TPTE2: variants seen among roughly 807,000 people sequenced by gnomAD.
TPTE2 encodes transmembrane phosphoinositide 3-phosphatase and tensin homolog 2.
Under a neutral mutation model 78.6 loss-of-function variants are expected in TPTE2, and 53 were observed. The ratio of observed to expected loss-of-function variants is 0.67; its 90% confidence interval spans 0.54 to 0.85. TPTE2 has a LOEUF of 0.85. Among genes scored for constraint, TPTE2 ranks in the 40% least tolerant of loss-of-function variants. The probability of loss-of-function intolerance (pLI) is 0.00; values close to 1 mark genes in which losing one functional copy is unlikely to be tolerated. For missense variants in TPTE2, 461 were observed against 623.0 expected, an observed-to-expected ratio of 0.74 and a Z score of 2.77; for synonymous variants, 175 against 206.2, an observed-to-expected ratio of 0.85 and a Z score of 1.30.
the TPTE2 span, among the ~76,000 whole-genome samples, chr13:19,543,013 A>G: frequency 6.6e-6 from 1 of 151,596 alleles, no homozygotes; most frequent in Non-Finnish European, 1.5e-5. Context: ...CTCGTATCTT[A>G]GGATTATAAA....
At chr13:19,449,848 C>A (rs2137528017) in intron 13 of TPTE2, among the ~76,000 whole-genome samples, 1 of 152,220 alleles carries the variant, frequency 6.6e-6, no homozygotes, top group Non-Finnish European at 1.5e-5. Flanking sequence ...GCTCAACCTT[C>A]CTTAGTTCTT....
chr13:19,498,066 T>C (rs1339405492), intron 1 of TPTE2, among the ~76,000 whole-genome samples: 3 of 150,424 alleles, frequency 2.0e-5, no homozygotes, highest in Non-Finnish European at 4.5e-5. Flanking sequence ...GAAGATGAAA[T>C]GAATGAAATG....
chr13:19,534,956 A>T (rs1871114000), intron 1 of TPTE2, among the ~76,000 whole-genome samples: 1 of 152,132 alleles, frequency 6.6e-6, no homozygotes, highest in African/African-American at 2.4e-5. Flanking sequence ...CAATCTCAGA[A>T]CTTCGGGAGG....
rs572859436 is a variant in TPTE2, at chr13:19,486,532, T to C, written c.120-3985A>G. On this transcript the variant is annotated intron_variant, in intron 3 of 19. Coordinates refer to ENST00000400230, the Ensembl canonical transcript of TPTE2. The surrounding 1 kb of genome is among the most constrained non-coding windows in gnomAD (Gnocchi z 4.3). ...GCCAGATGTGCTTTGCAGGACAGTTTCTCAGGCCCAGGACGCAGGCACACA... is the reference window on the plus strand; with the variant it reads ...GCCAGATGTGCTTTGCAGGACAGTTCCTCAGGCCCAGGACGCAGGCACACA... Among the ~76,000 whole-genome samples, 35 of 152,306 alleles carry C rather than the reference T, an allele frequency of 2.3e-4. No homozygotes were observed. The highest frequency in any genetic ancestry group is 4.9e-4 in the Non-Finnish European group (33 of 68,026).
intron 13 of TPTE2, among the ~76,000 whole-genome samples, chr13:19,442,253 A>G (rs975327515): frequency 3.3e-5 from 5 of 152,080 alleles, no homozygotes; most frequent in African/African-American, 7.2e-5. Context: ...CCACAACAAA[A>G]TGTAATAAAT....
chr13:19,441,339 C>T (rs1178724149), intron 13 of TPTE2, among the ~76,000 whole-genome samples: 6 of 151,784 alleles, frequency 4.0e-5, no homozygotes, highest in African/African-American at 1.5e-4. Flanking sequence ...CTGGGTGATG[C>T]GATCACTCAC....
intron 13 of TPTE2, among the ~76,000 whole-genome samples, chr13:19,441,749 A>G (rs1422294543): frequency 2.6e-5 from 4 of 152,216 alleles, no homozygotes; most frequent in Non-Finnish European, 5.9e-5. Context: ...CTGGAATTAA[A>G]CAAAAATGCC....
At chr13:19,438,013 C>T in intron 14 of TPTE2, 79 bp downstream of exon 17, 1 of 1,565,078 alleles carries the variant, frequency 6.4e-7, no homozygotes. Flanking sequence ...AAATAATCAT[C>T]TTAACGTCCT....
chr13:19,435,755 G>GACACATACACAC (rs1877031939), intron 15 of TPTE2, among the ~76,000 whole-genome samples: 1 of 137,642 alleles, frequency 7.3e-6, no homozygotes, highest in African/African-American at 2.6e-5. Flanking sequence ...ACACAGAAAA[G>GACACATACACAC]ACACACACAC....
upstream of TPTE2, among the ~76,000 whole-genome samples, chr13:19,505,111 T>C (rs1409539166): frequency 6.6e-6 from 1 of 152,092 alleles, no homozygotes; most frequent in Non-Finnish European, 1.5e-5. Flanking sequence ...GGTTGATATT[T>C]AAATATTCAT....
At chr13:19,537,240 T>C (rs1871264246), upstream of TPTE2, among the ~76,000 whole-genome samples, 1 of 151,430 alleles carries the variant, frequency 6.6e-6, no homozygotes, top group South Asian at 2.1e-4. Flanking sequence ...TTGATTTTTT[T>C]TTTTTTTTTT....
upstream of TPTE2, among the ~76,000 whole-genome samples, chr13:19,539,436 C>T (rs1410772117): frequency 6.6e-6 from 1 of 152,188 alleles, no homozygotes; most frequent in East Asian, 1.9e-4. Flanking sequence ...CTCTTGCCTG[C>T]CACTGTGTAA....
intron 1 of TPTE2, among the ~76,000 whole-genome samples, chr13:19,529,722 TG>T (rs1163633354): frequency 1.3e-5 from 2 of 152,202 alleles, no homozygotes; most frequent in African/African-American, 4.8e-5. Context: ...CACCAATCCT[TG>T]GATTACTACA....
Position 19,483,069 on chromosome 13 carries a change from G to A in TPTE2, c.120-522C>T, listed in dbSNP as rs539055048. 3.9e-5 allele frequency among the ~76,000 whole-genome samples: 6 copies of A among 152,258 alleles called. No homozygotes were observed. The South Asian group carries it at 1.0e-3, about 26-fold the overall frequency. ...TACTTTAATTAAAAACTACTTTATT[G>A]GTTAAAAAATGCTAATGATCACCTA... On this transcript the variant is annotated intron_variant, in intron 3 of 19. Transcript: ENST00000400230.
chr13:19,463,188 A>G (rs1295041125), intron 10 of TPTE2, among the ~76,000 whole-genome samples: 1 of 150,404 alleles, frequency 6.6e-6, no homozygotes, highest in Admixed American at 6.6e-5. Context: ...TGCCATGTTC[A>G]TCAGGCTTGT....
chr13:19,445,942 A>C (rs1566043304), intron 13 of TPTE2, among the ~76,000 whole-genome samples: 1 of 149,010 alleles, frequency 6.7e-6, no homozygotes, highest in Non-Finnish European at 1.5e-5. Flanking sequence ...CCTTATCTCA[A>C]AACAAAAAAC....
upstream of TPTE2, chr13:19,505,738 CCCTGTTA>C (rs1868969774): frequency 6.6e-6 from 1 of 152,054 alleles, no homozygotes; most frequent in African/African-American, 2.4e-5. Context: ...CTTCACTCCT[CCCTGTTA>C]CCTGTTACCT....
chr13:19,442,982 A>C (rs957941690), intron 13 of TPTE2, among the ~76,000 whole-genome samples: 2 of 152,178 alleles, frequency 1.3e-5, no homozygotes, highest in Non-Finnish European at 2.9e-5. Flanking sequence ...GAAAAAAATC[A>C]GCATGCATAA....
At chr13:19,427,610 G>C (rs760853733) in intron 17 of TPTE2, among the ~76,000 whole-genome samples, 6 of 152,064 alleles carry the variant, frequency 3.9e-5, no homozygotes, top group African/African-American at 1.4e-4. Flanking sequence ...ATAACAACAG[G>C]GGTCTGTAAC....
Sources: gnomAD v4.1 joint callset for allele counts (sites outside exome capture counted in the v4.1 genomes callset) on GRCh38, gnomAD v4.1.1 for gene constraint, Gnocchi (gnomAD v3.1) non-coding constraint, MANE v1.5 for transcripts, NCBI Gene and HGNC (gene_info 2026-07-23, HGNC 2026-07-21) for gene names.